STS: variants seen among roughly 807,000 people sequenced by gnomAD.
STS encodes steroid sulfatase, also known as steryl-sulfatase.
Under a neutral mutation model 26.8 loss-of-function variants are expected in STS, and 7 were observed. The ratio of observed to expected loss-of-function variants is 0.26; its 90% CI spans 0.15 to 0.49. The LOEUF (loss-of-function observed/expected upper bound fraction) is 0.49, where lower values mean the gene tolerates loss of function less well. Among genes scored for constraint, STS ranks in the 20% least tolerant of loss-of-function variants. The pLI is 0.98. For synonymous variants in STS, 199 were observed against 189.4 expected (o/e 1.05, Z -0.42); for missense variants, 434 against 465.6 (o/e 0.93, Z 0.63).
intron 10 of STS, among the ~76,000 whole-genome samples, chrX:7,342,607 G>A (rs966529773): frequency 1.8e-5 from 2 of 112,087 alleles, no homozygotes; most frequent in East Asian, 5.6e-4. Context: ...TTGTTGTATC[G>A]TGAGCTCTGG....
At chrX:7,325,244 GTTC>G in intron 8 of STS, 92 bp from the exon 9 acceptor site, 2 of 933,431 alleles carry the variant, frequency 2.1e-6, no homozygotes, top group Non-Finnish European at 3.0e-6. Context: ...AGAGCAGTTG[GTTC>G]TTCTACATTG....
intron 8 of STS, among the ~76,000 whole-genome samples, chrX:7,311,665 T>C (rs1926483428): frequency 9.1e-6 from 1 of 110,410 alleles, no homozygotes; most frequent in Non-Finnish European, 1.9e-5. Flanking sequence ...CTGGGCAACA[T>C]AGTGAGACCT....
chrX:7,207,287 T>C (rs754262050), intron 2 of STS, among the ~76,000 whole-genome samples: 1 of 112,423 alleles, frequency 8.9e-6, no homozygotes, highest in African/African-American at 3.2e-5. Flanking sequence ...TGCATTTTTA[T>C]TCAAGAAGTA....
Position 7,148,002 on chromosome X carries a change from A to AC in STS, c.-214dup. On this transcript the variant is annotated 5_prime_UTR_variant, in exon 1 of 11. It removes the in-frame stop codon of an upstream open reading frame in the 5' UTR. Coordinates refer to ENST00000674429, the MANE Select transcript of STS (RefSeq NM_001320752.2). ...GACGTACCCCGCGCCGACCGTCCCC[A>AC]CGCCCACACAAGACCGCCCTTACTG... 1 of 995,152 alleles carries AC rather than the reference A, an allele frequency of 1.0e-6. No homozygotes were observed. The highest frequency in any genetic ancestry group is 2.1e-5 in the South Asian group (1 of 47,181). 82.0% of individuals were successfully genotyped at this position (995,152 alleles called of 1,213,427 possible). A position where few individuals can be genotyped will look rare whatever the true frequency, so the allele number is the denominator to read the frequency against.
intron 1 of STS, among the ~76,000 whole-genome samples, chrX:7,168,823 C>A (rs1459700684): frequency 9.0e-6 from 1 of 111,670 alleles, no homozygotes; most frequent in African/African-American, 3.3e-5. Context: ...GGTTGAATTG[C>A]TCACCAACTG....
intron 9 of STS, among the ~76,000 whole-genome samples, chrX:7,325,768 T>C (rs1168082293): frequency 3.6e-5 from 4 of 112,119 alleles, no homozygotes; most frequent in African/African-American, 9.7e-5. Flanking sequence ...GGGCAGTGTG[T>C]AGAAGTAGGA....
At chrX:7,175,341 A>G (rs1261649054) in intron 1 of STS, among the ~76,000 whole-genome samples, 1 of 110,720 alleles carries the variant, frequency 9.0e-6, no homozygotes, top group Non-Finnish European at 1.9e-5. Flanking sequence ...TTAAAATACA[A>G]AAATCAGCCA....
At chrX:7,198,907 C>G (rs1284905904) in intron 2 of STS, among the ~76,000 whole-genome samples, 6 of 111,671 alleles carry the variant, frequency 5.4e-5, no homozygotes, top group Non-Finnish European at 1.1e-4. Flanking sequence ...CGTCTGCTGC[C>G]TGGCAGCAAG....
At chrX:7,315,265 A>G (rs1196750510) in intron 8 of STS, among the ~76,000 whole-genome samples, 1 of 112,378 alleles carries the variant, frequency 8.9e-6, no homozygotes, top group Non-Finnish European at 1.9e-5. Flanking sequence ...TGAGACATGC[A>G]TAGAATTGGT....
chrX:7,330,966 G>A (rs957009152), intron 9 of STS, among the ~76,000 whole-genome samples: 3 of 111,957 alleles, frequency 2.7e-5, no homozygotes, highest in African/African-American at 6.5e-5. Flanking sequence ...ATTGCCATTT[G>A]TATATCAAAT....
At chrX:7,324,935 G>A (rs929483137) in intron 8 of STS, among the ~76,000 whole-genome samples, 7 of 111,166 alleles carry the variant, frequency 6.3e-5, no homozygotes, top group African/African-American at 2.3e-4. Flanking sequence ...ATTTCCCCAG[G>A]CTCCAGGCTC....
chrX:7,320,822 AAG>A (rs1379323100), intron 8 of STS, among the ~76,000 whole-genome samples: 1 of 111,832 alleles, frequency 8.9e-6, no homozygotes, highest in African/African-American at 3.3e-5. Context: ...AAATAAGGGG[AAG>A]AGTTTTAACT....
chrX:7,185,907 G>A (rs1187912483), intron 1 of STS, among the ~76,000 whole-genome samples: 1 of 112,423 alleles, frequency 8.9e-6, no homozygotes, highest in Non-Finnish European at 1.9e-5. Flanking sequence ...GCCTTTGAGT[G>A]TTAACACAAC....
At chrX:7,183,159 C>T (rs1187534948) in intron 1 of STS, among the ~76,000 whole-genome samples, 1 of 111,342 alleles carries the variant, frequency 9.0e-6, no homozygotes, top group Non-Finnish European at 1.9e-5. Context: ...CAGTTTTCAT[C>T]CAGGTTGATA....
intron 2 of STS, among the ~76,000 whole-genome samples, chrX:7,217,595 G>A (rs1374853694): frequency 9.0e-6 from 1 of 111,429 alleles, no homozygotes; most frequent in Non-Finnish European, 1.9e-5. Context: ...CCAATAGTAT[G>A]CCCATCTCAT....
chrX:7,192,778 T>C (rs1933900685), intron 2 of STS, among the ~76,000 whole-genome samples: 2 of 111,669 alleles, frequency 1.8e-5, no homozygotes, highest in African/African-American at 6.5e-5. Flanking sequence ...GGGTAGACTT[T>C]GCCCTTCAGA....
intron 7 of STS, among the ~76,000 whole-genome samples, chrX:7,293,094 G>C (rs779503772): frequency 9.0e-6 from 1 of 111,519 alleles, no homozygotes; most frequent in South Asian, 3.8e-4. Context: ...GACTTTCTAG[G>C]TGACTGCTGT....
chrX:7,170,635 T>G (rs1005806944), intron 1 of STS, among the ~76,000 whole-genome samples: 2 of 109,844 alleles, frequency 1.8e-5, no homozygotes, highest in Non-Finnish European at 3.8e-5. Context: ...AAATTTATAT[T>G]TTAAAAAATT....
intron 10 of STS, among the ~76,000 whole-genome samples, chrX:7,341,563 C>T (rs1041390265): frequency 8.0e-5 from 9 of 112,162 alleles, no homozygotes; most frequent in African/African-American, 2.9e-4. Flanking sequence ...TTCCTCACTC[C>T]GTTATCTGCC....
Sources: gnomAD v4.1 joint callset for allele counts (sites outside exome capture counted in the v4.1 genomes callset) on GRCh38, gnomAD v4.1.1 for gene constraint, MANE v1.5 for transcripts, NCBI Gene and HGNC (gene_info 2026-07-23, HGNC 2026-07-21) for gene names.